Variants in CA10 observed in about 807,000 individuals in gnomAD.
CA10 encodes carbonic anhydrase-related protein 10.
Under a neutral mutation model 44.2 loss-of-function variants are expected in CA10, and 14 were observed. The observed-to-expected ratio is 0.32, with a 90% CI of 0.21 to 0.50. The LOEUF is 0.50. Ranked by LOEUF, CA10 falls within the 20% of genes least tolerant of loss-of-function variation. The probability of loss-of-function intolerance (pLI) is 0.99; values close to 1 mark genes in which losing one functional copy is unlikely to be tolerated. For missense variants in CA10, 350 were observed against 409.7 expected (o/e 0.85, Z 1.26); for synonymous variants, 159 against 141.6 (o/e 1.12, Z -0.87).
intron 1 of CA10, among the ~76,000 whole-genome samples, chr17:52,150,939 A>T (rs1989690004): frequency 6.6e-6 from 1 of 152,182 alleles, no homozygotes; most frequent in African/African-American, 2.4e-5. Context: ...ATGAATTTTT[A>T]AAAAAGTGTA....
intron 2 of CA10, among the ~76,000 whole-genome samples, chr17:52,013,618 A>G (rs1985878119): frequency 6.6e-6 from 1 of 151,998 alleles, no homozygotes; most frequent in African/African-American, 2.4e-5. Context: ...TTACCATCCA[A>G]GAAACAACTT....
chr17:52,024,316 T>C (rs150768996), intron 2 of CA10, among the ~76,000 whole-genome samples: 41 of 152,216 alleles, frequency 2.7e-4, no homozygotes, highest in African/African-American at 9.6e-4. Context: ...TACTTAGACA[T>C]AGTCACATAT....
intron 2 of CA10, 43 bp from the exon 3 acceptor site, chr17:51,931,175 T>C (rs1161691446): frequency 6.3e-7 from 1 of 1,597,634 alleles, no homozygotes; most frequent in Non-Finnish European, 8.6e-7. Context: ...GAGTAGCAGG[T>C]TGGGGAAACA....
At chr17:51,941,322 G>A (rs1983069609) in intron 2 of CA10, among the ~76,000 whole-genome samples, 1 of 152,150 alleles carries the variant, frequency 6.6e-6, no homozygotes, top group Admixed American at 6.5e-5. Context: ...TCCACAGGAA[G>A]GCATAAAAGA....
intron 3 of CA10, among the ~76,000 whole-genome samples, chr17:51,898,320 G>GT (rs1184294268): frequency 1.3e-5 from 2 of 151,948 alleles, no homozygotes; most frequent in Admixed American, 6.6e-5. Flanking sequence ...TGATCATGTA[G>GT]TTTTTTAGTT....
chr17:51,933,173 C>T lies in CA10; in HGVS notation c.137-2041G>A, dbSNP rs910368194. Among the ~76,000 whole-genome samples the T allele has an allele frequency of 2.0e-5, 3 of 152,088 alleles. No individual in the cohort carries two copies. In the South Asian group the frequency reaches 6.2e-4, roughly 32 times the overall value. On this transcript the variant is annotated intron_variant, in intron 2 of 8. Coordinates refer to ENST00000451037, the MANE Select transcript of CA10 (RefSeq NM_020178.5). ...CTCTCCACCAATGATGTTTACTATC[C>T]TAATCCTCAGAACATGTGAATATGC...
chr17:51,766,376 G>T (rs1408490558), intron 3 of CA10, among the ~76,000 whole-genome samples: 3 of 152,186 alleles, frequency 2.0e-5, no homozygotes, highest in Non-Finnish European at 4.4e-5. Context: ...CTCTGATCTG[G>T]CAGGGAGAAC....
At chr17:52,012,804 G>A (rs888575125) in intron 2 of CA10, among the ~76,000 whole-genome samples, 1 of 145,766 alleles carries the variant, frequency 6.9e-6, no homozygotes, top group Admixed American at 7.2e-5. Context: ...ACATAAAAAA[G>A]GAAATGGAAA....
chr17:52,120,777 T>C (rs1432556745), intron 1 of CA10, among the ~76,000 whole-genome samples: 1 of 152,166 alleles, frequency 6.6e-6, no homozygotes, highest in Non-Finnish European at 1.5e-5. Context: ...AGCTCATGTG[T>C]GGTAGCCTGG....
At chr17:51,956,082 T>G (rs1049006323) in intron 2 of CA10, among the ~76,000 whole-genome samples, 1 of 152,208 alleles carries the variant, frequency 6.6e-6, no homozygotes, top group Non-Finnish European at 1.5e-5. Context: ...AGAAATATTT[T>G]ATAGAAAAGC....
intron 3 of CA10, among the ~76,000 whole-genome samples, chr17:51,804,450 C>T (rs1298006630): frequency 6.6e-6 from 1 of 152,218 alleles, no homozygotes; most frequent in African/African-American, 2.4e-5. Flanking sequence ...TCAGACTAGA[C>T]TCTCCTTTTA....
chr17:51,959,901 C>T (rs1035137063), intron 2 of CA10, among the ~76,000 whole-genome samples: 3 of 150,878 alleles, frequency 2.0e-5, no homozygotes, highest in African/African-American at 7.3e-5. Flanking sequence ...ATAAGGCAAT[C>T]CCAAATTACT....
intron 3 of CA10, among the ~76,000 whole-genome samples, chr17:51,870,192 A>G (rs762852064): frequency 7.9e-5 from 12 of 152,240 alleles, no homozygotes; most frequent in Admixed American, 1.3e-4. Context: ...GAATTCTGTC[A>G]ATGACTGATT....
chr17:51,933,141 C>T (rs776957995), intron 2 of CA10, among the ~76,000 whole-genome samples: 9 of 152,012 alleles, frequency 5.9e-5, no homozygotes, highest in Admixed American at 2.0e-4. Context: ...TGTGGTAGGC[C>T]GAATGGCTCT....
chr17:51,863,663 G>A (rs546523860), intron 3 of CA10, among the ~76,000 whole-genome samples: 25 of 152,068 alleles, frequency 1.6e-4, no homozygotes, highest in Non-Finnish European at 3.4e-4. Context: ...GGTCCCCACG[G>A]ACACCCTCAG....
At chr17:51,749,178 C>A (rs929574134) in intron 3 of CA10, among the ~76,000 whole-genome samples, 1 of 152,214 alleles carries the variant, frequency 6.6e-6, no homozygotes, top group African/African-American at 2.4e-5. Flanking sequence ...ACAAAAATGA[C>A]AGGAATTCTT....
chr17:52,088,320 T>C (rs1276599668), intron 1 of CA10, among the ~76,000 whole-genome samples: 1 of 152,224 alleles, frequency 6.6e-6, no homozygotes, highest in Non-Finnish European at 1.5e-5. Context: ...AGTTCAGTAG[T>C]CAGCAAACTC....
chr17:51,962,999 G>A (rs1018260786), intron 2 of CA10, among the ~76,000 whole-genome samples: 2 of 152,004 alleles, frequency 1.3e-5, no homozygotes, highest in African/African-American at 4.8e-5. Flanking sequence ...CTAAAACAAG[G>A]TTAAAAGTCA....
rs191900316 is a variant in CA10 at position 51,692,413 on chromosome 17, A to G, written c.466-38677T>C. Among the ~76,000 whole-genome samples, 180 of 125,348 alleles carry G rather than the reference A, an allele frequency of 1.4e-3. 2 individuals are homozygous for G. Among genetic ancestry groups the G allele is most frequent in the African/African-American group, 4.3e-3 (163 of 37,952 alleles). 82.2% of individuals were successfully genotyped at this position (125,348 alleles called of 152,430 possible). A position where few individuals can be genotyped will look rare whatever the true frequency, so the allele number is the denominator to read the frequency against. On this transcript the variant is annotated intron_variant, in intron 4 of 8. Transcript: ENST00000451037. ...TATCTATCTATCTATCTATCTATCT[A>G]TCTATCTATCTATTTTACCATTTAC...
Sources: allele counts gnomAD v4.1 joint callset (sites outside exome capture counted in the v4.1 genomes callset), GRCh38; gene constraint gnomAD v4.1.1; transcripts MANE v1.5; gene names NCBI Gene and HGNC (gene_info 2026-07-23, HGNC 2026-07-21).